MFHAS1: variants seen among roughly 807,000 people sequenced by gnomAD.
MFHAS1 encodes the protein malignant fibrous histiocytoma-amplified sequence 1.
In MFHAS1, 50 loss-of-function variants were observed where a neutral mutation model predicts 70.4. That is an observed-to-expected ratio of 0.71 (90% CI 0.57 to 0.90). The LOEUF (loss-of-function observed/expected upper bound fraction) is 0.90. Ranked by LOEUF, MFHAS1 falls within the 40% of genes least tolerant of loss-of-function variation. MFHAS1 has a pLI of 0.00. For synonymous variants in MFHAS1, 952 were observed against 620.0 expected, an observed-to-expected ratio of 1.54 and a Z score of -7.96; for missense variants, 1,795 against 1,347.6, an observed-to-expected ratio of 1.33 and a Z score of -5.20.
At chr8:8,803,849 G>C (rs555424222) in intron 1 of MFHAS1, among the ~76,000 whole-genome samples, 31 of 152,156 alleles carry the variant, frequency 2.0e-4, no homozygotes, top group Non-Finnish European at 2.5e-4. Context: ...GCACATGCCT[G>C]TAATCTCAGC....
intron 1 of MFHAS1, 100 bp from the exon 2 acceptor site, chr8:8,797,591 GGGCAGA>G (rs1805952760): frequency 7.6e-7 from 1 of 1,317,722 alleles, no homozygotes; most frequent in Admixed American, 2.2e-5. Flanking sequence ...AGGGGGAGAA[GGGCAGA>G]GGTGAAGCAA....
Position 8,893,068 on chromosome 8 carries a change from C to G in MFHAS1, c.-10G>C, listed in dbSNP as rs766132366. The stretch of plus-strand genomic sequence containing the variant: ...TGTCCATCCCAGCCATGGCGGGGCC[C>G]CGGGCCGACAGCCTCACGCGGACGC... On this transcript the variant is annotated 5_prime_UTR_variant, in exon 1 of 3. Coordinates refer to ENST00000276282, the MANE Select transcript of MFHAS1 (RefSeq NM_004225.3). 18 of 1,475,436 alleles carry G rather than the reference C, an allele frequency of 1.2e-5. No homozygotes were observed. The highest frequency in any genetic ancestry group is 1.3e-5 in the Non-Finnish European group (15 of 1,121,914). 91.4% of individuals were successfully genotyped at this position (1,475,436 alleles called of 1,614,324 possible). A position where few individuals can be genotyped will look rare whatever the true frequency, so the allele number is the denominator to read the frequency against.
intron 1 of MFHAS1, among the ~76,000 whole-genome samples, chr8:8,844,629 T>G (rs2116859907): frequency 6.6e-6 from 1 of 152,364 alleles, no homozygotes; most frequent in South Asian, 2.1e-4. Context: ...GCTCTCTGCT[T>G]CAGATGCCTC....
At chr8:8,824,079 G>A (rs185498133) in intron 1 of MFHAS1, among the ~76,000 whole-genome samples, 254 of 151,158 alleles carry the variant, frequency 1.7e-3, no homozygotes, top group Non-Finnish European at 2.2e-3. Context: ...CTACCTGCCT[G>A]TGAGGCAGAA....
chr8:8,834,752 A>G (rs1279837383), intron 1 of MFHAS1, among the ~76,000 whole-genome samples: 2 of 152,238 alleles, frequency 1.3e-5, no homozygotes, highest in African/African-American at 4.8e-5. Context: ...CATTCATGTA[A>G]CAACATAAAT....
At chr8:8,856,572 T>A (rs1295506329) in intron 1 of MFHAS1, among the ~76,000 whole-genome samples, 2 of 152,182 alleles carry the variant, frequency 1.3e-5, no homozygotes, top group Non-Finnish European at 2.9e-5. Flanking sequence ...TCCAAGACAA[T>A]AATTCAAAGA....
intron 1 of MFHAS1, among the ~76,000 whole-genome samples, chr8:8,865,773 A>C (rs1309880493): frequency 6.6e-6 from 1 of 152,214 alleles, no homozygotes; most frequent in Admixed American, 6.5e-5. Flanking sequence ...TTGGGTCCCA[A>C]ATTTAACACT....
intron 1 of MFHAS1, among the ~76,000 whole-genome samples, chr8:8,823,956 G>C (rs1807060635): frequency 7.2e-6 from 1 of 139,442 alleles, no homozygotes; most frequent in East Asian, 2.1e-4. Flanking sequence ...TTTCCCTACA[G>C]GGAAGAAAAC....
intron 1 of MFHAS1, among the ~76,000 whole-genome samples, chr8:8,824,584 CAGA>C (rs947588977): frequency 1.7e-4 from 25 of 150,962 alleles, no homozygotes; most frequent in African/African-American, 4.7e-4. Context: ...TCTGCTCCAT[CAGA>C]AGAAGAAAAT....
intron 1 of MFHAS1, among the ~76,000 whole-genome samples, chr8:8,875,541 G>C (rs1325907312): frequency 6.6e-6 from 1 of 152,168 alleles, no homozygotes; most frequent in African/African-American, 2.4e-5. Flanking sequence ...AAAATGTGTA[G>C]TGATTACTTT....
chr8:8,816,960 C>T (rs1460324574), intron 1 of MFHAS1, among the ~76,000 whole-genome samples: 2 of 152,154 alleles, frequency 1.3e-5, no homozygotes, highest in African/African-American at 4.8e-5. Flanking sequence ...GAAATGACTC[C>T]CTACCTGTTT....
intron 1 of MFHAS1, among the ~76,000 whole-genome samples, chr8:8,865,327 G>T (rs544529974): frequency 1.3e-5 from 2 of 149,328 alleles, no homozygotes; most frequent in Non-Finnish European, 3.0e-5. Context: ...AAGATGACAG[G>T]CTGAGAAATT....
At chr8:8,840,461 CAAAAAA>C (rs141909980) in intron 1 of MFHAS1, among the ~76,000 whole-genome samples, 8 of 82,112 alleles carry the variant, frequency 9.7e-5, no homozygotes, top group South Asian at 4.2e-4. Flanking sequence ...CATCTCAATA[CAAAAAA>C]AAAAAAAAAA....
rs1265632531 is a variant in MFHAS1, at chr8:8,845,226, TA to T, written c.2998+44834del. ...ATTTAATCAGCTGAACAAATAATGG[TA>T]GTTTTCTAGGTTAGTTCACATAAAA... On this transcript the variant is annotated intron_variant, in intron 1 of 2. Coordinates refer to ENST00000276282, the MANE Select transcript of MFHAS1 (RefSeq NM_004225.3). 2.0e-5 allele frequency among the ~76,000 whole-genome samples: 3 copies of T among 152,366 alleles called. No individual in the cohort carries two copies. The East Asian group carries it at 5.8e-4, about 29-fold the overall frequency.
chr8:8,841,239 C>G (rs944620688), intron 1 of MFHAS1, among the ~76,000 whole-genome samples: 4 of 152,112 alleles, frequency 2.6e-5, no homozygotes, highest in African/African-American at 9.7e-5. Flanking sequence ...CTTTGGGAGG[C>G]CGAGGCAGGC....
At chr8:8,815,754 A>G (rs1806718863) in intron 1 of MFHAS1, among the ~76,000 whole-genome samples, 1 of 152,188 alleles carries the variant, frequency 6.6e-6, no homozygotes, top group African/African-American at 2.4e-5. Flanking sequence ...CATTTCTTGA[A>G]AAGTTGAAAC....
At chr8:8,822,500 G>T (rs1280513348) in intron 1 of MFHAS1, among the ~76,000 whole-genome samples, 1 of 148,012 alleles carries the variant, frequency 6.8e-6, no homozygotes, top group South Asian at 2.4e-4. Context: ...CAAGTCAGGG[G>T]GACTGAGATG....
chr8:8,849,864 G>C (rs1487859500), intron 1 of MFHAS1, among the ~76,000 whole-genome samples: 1 of 152,190 alleles, frequency 6.6e-6, no homozygotes, highest in East Asian at 1.9e-4. Flanking sequence ...GTATGACCCA[G>C]GGAAAACTCC....
chr8:8,824,898 C>G (rs900778983), intron 1 of MFHAS1, among the ~76,000 whole-genome samples: 1 of 152,240 alleles, frequency 6.6e-6, no homozygotes, highest in Non-Finnish European at 1.5e-5. Context: ...GCTGGCCTCA[C>G]GGGAACAGAT....
Sources: allele counts gnomAD v4.1 joint callset (sites outside exome capture counted in the v4.1 genomes callset), GRCh38; gene constraint gnomAD v4.1.1; transcripts MANE v1.5; gene names NCBI Gene and HGNC (gene_info 2026-07-23, HGNC 2026-07-21).